The following ADCY3 variants were observed in gnomAD, a reference collection of about 807,000 sequenced individuals.
ADCY3 encodes the protein adenylate cyclase type 3.
In ADCY3, 70 loss-of-function variants were observed where a neutral mutation model predicts 119.4. The observed-to-expected ratio is 0.59, with a 90% CI of 0.48 to 0.72. The LOEUF (loss-of-function observed/expected upper bound fraction) is 0.72, where lower values mean the gene tolerates loss of function less well. ADCY3 is among the 30% of genes least tolerant of loss of function. The pLI is 0.00. For missense variants in ADCY3, 1,238 were observed against 1,541.6 expected (o/e 0.80, Z 3.30); for synonymous variants, 672 against 621.4 (o/e 1.08, Z -1.21).
chr2:24,883,520 A>G (rs992231241), intron 2 of ADCY3, among the ~76,000 whole-genome samples: 1 of 152,244 alleles, frequency 6.6e-6, no homozygotes, highest in East Asian at 1.9e-4. Flanking sequence ...ATATTTAAGC[A>G]TATAGATTCT....
At chr2:24,854,139 G>A (rs1044408132) in intron 3 of ADCY3, among the ~76,000 whole-genome samples, 1 of 152,210 alleles carries the variant, frequency 6.6e-6, no homozygotes, top group Admixed American at 6.5e-5. Flanking sequence ...TTTCGGTAGG[G>A]GGTGGCAGGG....
At position 24,872,932 on chromosome 2, in the gene ADCY3, T is replaced by TGGCTCAAGGCCTGAAA. The variant is rs1346693239; in HGVS notation, c.676-229_676-214dup. On this transcript the variant is annotated intron_variant, in intron 2 of 21. Coordinates refer to ENST00000679454, the MANE Select transcript of ADCY3 (RefSeq NM_004036.5). This position sits in a 1 kb window ranked among gnomAD's most constrained non-coding sequence, Gnocchi z 4.4. Reference sequence around the variant, plus strand: ...CGGATGGGTGGTCCACCCAGGGGCATGGCTCAAGGCCTGAAAGGCTCAAGG... The same window carrying TGGCTCAAGGCCTGAAA: ...CGGATGGGTGGTCCACCCAGGGGCATGGCTCAAGGCCTGAAAGGCTCAAGGCCTGAAAGGCTCAAGG... Among the ~76,000 whole-genome samples the TGGCTCAAGGCCTGAAA allele has an allele frequency of 3.3e-5, 5 of 152,170 alleles. No individual in the cohort carries two copies. In the East Asian group the frequency reaches 9.6e-4, roughly 29 times the overall value.
chr2:24,858,969 T>A lies in ADCY3; in HGVS notation c.825+13601A>T, dbSNP rs1424028631. Among the ~76,000 whole-genome samples, 4 of 152,324 alleles carry A rather than the reference T, an allele frequency of 2.6e-5. No homozygotes were observed. In the East Asian group the frequency reaches 5.8e-4, roughly 22 times the overall value. The stretch of plus-strand genomic sequence containing the variant: ...TTTGTTTTGCTAAGTCCTGGAATGT[T>A]GAAATGAAGAGCATTCTGTGACATC... On this transcript the variant is annotated intron_variant, in intron 3 of 21. Transcript: ENST00000679454.
At chr2:24,840,430 A>G (rs904139255) in intron 6 of ADCY3, 6 of 385,100 alleles carry the variant, frequency 1.6e-5, no homozygotes, top group Non-Finnish European at 1.6e-5. Flanking sequence ...CGTGTCTGAC[A>G]GGGCAGGGAG....
intron 2 of ADCY3, among the ~76,000 whole-genome samples, chr2:24,882,832 G>A (rs1357847509): frequency 7.3e-5 from 11 of 151,672 alleles, no homozygotes; most frequent in Admixed American, 7.2e-4. Context: ...CGAGGCGGGT[G>A]GATCGCCTGA....
intron 3 of ADCY3, among the ~76,000 whole-genome samples, chr2:24,869,684 G>T (rs562037202): frequency 6.6e-6 from 1 of 152,240 alleles, no homozygotes; most frequent in East Asian, 1.9e-4. Context: ...GATATTACAG[G>T]CATAGCCACC....
At chr2:24,912,315 A>T (rs1447307896) in intron 2 of ADCY3, among the ~76,000 whole-genome samples, 1 of 151,020 alleles carries the variant, frequency 6.6e-6, no homozygotes, top group Non-Finnish European at 1.5e-5. Flanking sequence ...AAAAAAAAAA[A>T]GGAAGAAGAA....
At chr2:24,821,053 C>A (rs533356189) in intron 20 of ADCY3, 75 of 653,500 alleles carry the variant, frequency 1.1e-4, no homozygotes, top group Non-Finnish European at 1.6e-4. Flanking sequence ...CGCCACCCCC[C>A]CCCCATATGC....
At position 24,878,601 on chromosome 2, in the gene ADCY3, G is replaced by A. The variant is rs1187324744; in HGVS notation, c.676-5882C>T. 6.6e-6 allele frequency among the ~76,000 whole-genome samples: 1 copy of A among 152,076 alleles called. No homozygotes were observed. Among genetic ancestry groups the A allele is most frequent in the Non-Finnish European group, 1.5e-5 (1 of 68,022 alleles). ...GAAACTCGTCATTAAAACTTACTCA[G>A]ATGCTTTAGGAAAAAGTCTCCTAGC... is the stretch of plus-strand genomic sequence containing the variant. On this transcript the variant is annotated intron_variant, in intron 2 of 21. Coordinates refer to ENST00000679454, the MANE Select transcript of ADCY3 (RefSeq NM_004036.5). This position sits in a 1 kb window ranked among gnomAD's most constrained non-coding sequence, Gnocchi z 4.0.
chr2:24,819,936 G>T lies in ADCY3; in HGVS notation c.3431C>A (p.Ser1144Tyr), dbSNP rs540325220. The T allele has an allele frequency of 3.2e-5, 51 of 1,613,730 alleles. No individual in the cohort carries two copies. The East Asian group carries it at 1.0e-3, about 33-fold the overall frequency. The change falls in exon 22 of 22, where the codon TCC (serine) becomes TAC (tyrosine). Residue 1144 changes from serine to tyrosine, a missense_variant. Ser to Tyr is a moderately radical substitution (Grantham distance 144, BLOSUM62 -2). This residue lies in a region of ADCY3 where 86 missense variants were observed against 70.7 expected (regional missense o/e 1.22). Coordinates refer to ENST00000679454, the MANE Select transcript of ADCY3 (RefSeq NM_004036.5). Reference sequence around the variant, plus strand: ...CTGTTGCAGGCTCGAGGCCATTCAGGAGTTGTCCACCACCTGGTGGGGCAG... The same window carrying T: ...CTGTTGCAGGCTCGAGGCCATTCAGTAGTTGTCCACCACCTGGTGGGGCAG... ...VTLPHQVVDN[S>Y]
chr2:24,819,762 T>G lies in ADCY3; in HGVS notation c.*170A>C. 3 of 692,664 alleles carry G rather than the reference T, an allele frequency of 4.3e-6. No individual in the cohort carries two copies. The highest frequency in any genetic ancestry group is 7.3e-6 in the Non-Finnish European group (3 of 412,972). 42.9% of individuals were successfully genotyped at this position (692,664 alleles called of 1,614,324 possible). A position where few individuals can be genotyped will look rare whatever the true frequency, so the allele number is the denominator to read the frequency against. On this transcript the variant is annotated 3_prime_UTR_variant, in exon 22 of 22. Coordinates refer to ENST00000679454, the MANE Select transcript of ADCY3 (RefSeq NM_004036.5). ...GGGACACTACAGGCACACACAGGAA[T>G]AGCAGGGCCACCCTCAGAGCTCACA...
At chr2:24,831,904 C>CCAGG in intron 11 of ADCY3, among the ~76,000 whole-genome samples, 155 bp from the exon 12 acceptor site, 1 of 62,614 alleles carries the variant, frequency 1.6e-5, no homozygotes, top group African/African-American at 6.2e-5. Context: ...CAGGGGACAG[C>CCAGG]GGACAGGGGC....
At chr2:24,904,795 C>A (rs1442199605) in intron 2 of ADCY3, among the ~76,000 whole-genome samples, 2 of 151,750 alleles carry the variant, frequency 1.3e-5, no homozygotes. Context: ...GCATGCACCA[C>A]CACGTCCAGC....
At chr2:24,869,364 A>G (rs1674691675) in intron 3 of ADCY3, among the ~76,000 whole-genome samples, 1 of 151,812 alleles carries the variant, frequency 6.6e-6, no homozygotes, top group South Asian at 2.1e-4. Context: ...CCTAAAGAAC[A>G]CTCCAGGCCT....
intron 13 of ADCY3, among the ~76,000 whole-genome samples, chr2:24,829,710 C>CCG (rs968276742): frequency 6.6e-6 from 1 of 151,730 alleles, no homozygotes; most frequent in East Asian, 1.9e-4. Context: ...GCGTGAGCCA[C>CCG]TGCGCCCGGC....
intron 20 of ADCY3, 114 bp downstream of exon 20, chr2:24,821,403 C>T (rs1667688976): frequency 2.0e-6 from 3 of 1,466,180 alleles, no homozygotes; most frequent in East Asian, 4.6e-5. Context: ...GTGCGTGAAC[C>T]TCCCCACCCG....
chr2:24,872,431 T>G lies in ADCY3; in HGVS notation c.825+139A>C. 1 of 1,093,100 alleles carries G rather than the reference T, an allele frequency of 9.1e-7. No homozygotes were observed. Among genetic ancestry groups the G allele is most frequent in the Non-Finnish European group, 1.3e-6 (1 of 763,256 alleles). 67.7% of individuals were successfully genotyped at this position (1,093,100 alleles called of 1,614,324 possible). Reference sequence around the variant, plus strand: ...TAGTGAGGAGCCCAGAAGACAAAGTTCAGAAGCAAACACCTGAACAGGGTG... The same window carrying G: ...TAGTGAGGAGCCCAGAAGACAAAGTGCAGAAGCAAACACCTGAACAGGGTG... On this transcript the variant is annotated intron_variant, in intron 3 of 21. Coordinates refer to ENST00000679454, the MANE Select transcript of ADCY3 (RefSeq NM_004036.5). This position sits in a 1 kb window ranked among gnomAD's most constrained non-coding sequence, Gnocchi z 4.4.
chr2:24,902,903 T>C (rs1012325416), intron 2 of ADCY3, among the ~76,000 whole-genome samples: 5 of 151,862 alleles, frequency 3.3e-5, no homozygotes, highest in African/African-American at 4.8e-5. Flanking sequence ...TTGTGGCACA[T>C]ATTTGTGGTC....
intron 2 of ADCY3, among the ~76,000 whole-genome samples, chr2:24,908,812 T>G (rs1303964909): frequency 6.6e-6 from 1 of 152,156 alleles, no homozygotes; most frequent in Non-Finnish European, 1.5e-5. Context: ...TAATGGCCGA[T>G]CTACCCAGCA....
Sources: allele counts gnomAD v4.1 joint callset (sites outside exome capture counted in the v4.1 genomes callset), GRCh38; gene constraint gnomAD v4.1.1; regional missense constraint gnomAD v4.1.1; non-coding constraint Gnocchi (gnomAD v3.1); transcripts MANE v1.5; gene names NCBI Gene and HGNC (gene_info 2026-07-23, HGNC 2026-07-21).